SPAG16: variants seen among roughly 807,000 people sequenced by gnomAD.
SPAG16 encodes the protein sperm-associated antigen 16 protein.
A neutral mutation model predicts 80.4 loss-of-function variants in SPAG16; 86 were observed. The ratio of observed to expected loss-of-function variants is 1.07; its 90% confidence interval spans 0.90 to 1.28. The LOEUF (loss-of-function observed/expected upper bound fraction) is 1.28, where lower values mean the gene tolerates loss of function less well. Ranked by LOEUF, SPAG16 falls within the 50% of genes most tolerant of loss-of-function variation. The pLI, the probability that SPAG16 is intolerant of heterozygous loss-of-function variation, is 0.00. For missense variants in SPAG16, 870 were observed against 765.3 expected (o/e 1.14, Z -1.61); for synonymous variants, 294 against 265.9 (o/e 1.11, Z -1.03).
chr2:213,884,948 C>T (rs2076495914), intron 11 of SPAG16, among the ~76,000 whole-genome samples: 1 of 152,192 alleles, frequency 6.6e-6, no homozygotes, highest in Non-Finnish European at 1.5e-5. Flanking sequence ...CAATGACCTT[C>T]CTTGCCATCC....
chr2:213,344,248 A>G lies in SPAG16; in HGVS notation c.644+3978A>G, dbSNP rs77985617. On this transcript the variant is annotated intron_variant, in intron 6 of 15. Coordinates refer to ENST00000331683, the MANE Select transcript of SPAG16 (RefSeq NM_024532.5). ...CTATTTATAACAGTATATAATTGCTATGGTGTTACGGAGTGCTTCCTCTAC... is the reference window on the plus strand; with the variant it reads ...CTATTTATAACAGTATATAATTGCTGTGGTGTTACGGAGTGCTTCCTCTAC... Among the ~76,000 whole-genome samples, 1,455 of 152,246 alleles carry G rather than the reference A, an allele frequency of 9.6e-3. 24 individuals carry two copies. The highest frequency in any genetic ancestry group is 0.033 in the African/African-American group (1,361 of 41,540).
intron 15 of SPAG16, among the ~76,000 whole-genome samples, chr2:214,362,740 AAC>A (rs531811918): frequency 1.0e-3 from 154 of 152,074 alleles, no homozygotes; most frequent in East Asian, 1.5e-3. Context: ...TCATTAAGGA[AAC>A]ACAAGAAAAC....
At chr2:213,366,939 C>G (rs938320027) in intron 8 of SPAG16, among the ~76,000 whole-genome samples, 1 of 152,076 alleles carries the variant, frequency 6.6e-6, no homozygotes, top group Admixed American at 6.5e-5. Context: ...CCTCCCCATT[C>G]CCCCTACCCC....
chr2:213,794,348 A>C (rs901052419), intron 10 of SPAG16, among the ~76,000 whole-genome samples: 1 of 152,156 alleles, frequency 6.6e-6, no homozygotes, highest in Non-Finnish European at 1.5e-5. Context: ...GTTTTAATAT[A>C]TAAATGACTG....
intron 10 of SPAG16, among the ~76,000 whole-genome samples, chr2:213,579,852 A>C (rs75538042): frequency 0.013 from 1,979 of 152,308 alleles, 27 homozygotes; most frequent in Non-Finnish European, 0.02. Context: ...ATATTAATCA[A>C]GATGACATTG....
At position 213,487,717 on chromosome 2, in the gene SPAG16, A is replaced by G. The variant is rs1403860442; in HGVS notation, c.943-2246A>G. 2.6e-5 allele frequency among the ~76,000 whole-genome samples: 4 copies of G among 152,112 alleles called. 1 individual carries two copies. The highest frequency in any genetic ancestry group is 9.7e-5 in the African/African-American group (4 of 41,376). On this transcript the variant is annotated intron_variant, in intron 9 of 15. Transcript: ENST00000331683. ...GTATTAAATACCTCTTTCTATGATT[A>G]TTGGTTTAACAATGCTTATAAAAAT...
At chr2:213,914,208 T>G (rs1231860259) in intron 11 of SPAG16, among the ~76,000 whole-genome samples, 1 of 152,124 alleles carries the variant, frequency 6.6e-6, no homozygotes, top group Non-Finnish European at 1.5e-5. Flanking sequence ...CTTAGAAATC[T>G]TAAAGATATT....
chr2:213,375,662 C>T (rs2066850438), intron 9 of SPAG16, among the ~76,000 whole-genome samples: 2 of 151,778 alleles, frequency 1.3e-5, no homozygotes, highest in South Asian at 4.1e-4. Flanking sequence ...TACATAAAAC[C>T]TGTGAAGAGT....
intron 11 of SPAG16, among the ~76,000 whole-genome samples, chr2:213,928,566 T>G (rs568247400): frequency 6.6e-6 from 1 of 152,212 alleles, no homozygotes; most frequent in Non-Finnish European, 1.5e-5. Context: ...AAACAAAATA[T>G]TTTTTGATTC....
chr2:213,800,066 T>C (rs1448838432), intron 10 of SPAG16, among the ~76,000 whole-genome samples: 1 of 152,168 alleles, frequency 6.6e-6, no homozygotes, highest in African/African-American at 2.4e-5. Context: ...ATTATGATGT[T>C]GACAGAATAC....
At chr2:213,638,258 C>T (rs925373751) in intron 10 of SPAG16, among the ~76,000 whole-genome samples, 1 of 151,952 alleles carries the variant, frequency 6.6e-6, no homozygotes, top group Admixed American at 6.6e-5. Context: ...CTGCTCTGAT[C>T]TCGCTTATGT....
intron 15 of SPAG16, among the ~76,000 whole-genome samples, chr2:214,154,129 A>C (rs1457048181): frequency 2.6e-5 from 4 of 152,198 alleles, no homozygotes; most frequent in African/African-American, 9.6e-5. Context: ...TCATTCAAAA[A>C]TTTATTGCTA....
chr2:213,907,644 G>A (rs1418813687), intron 11 of SPAG16, among the ~76,000 whole-genome samples: 1 of 152,024 alleles, frequency 6.6e-6, no homozygotes, highest in Non-Finnish European at 1.5e-5. Context: ...ATAGATGAAT[G>A]GATAAAGAAA....
chr2:213,449,372 C>T (rs1330096065), intron 9 of SPAG16, among the ~76,000 whole-genome samples: 1 of 152,100 alleles, frequency 6.6e-6, no homozygotes, highest in African/African-American at 2.4e-5. Context: ...CTTTGTTAGA[C>T]CCTTATTGGT....
intron 11 of SPAG16, among the ~76,000 whole-genome samples, chr2:213,897,293 A>G (rs1309599867): frequency 6.6e-6 from 1 of 152,176 alleles, no homozygotes; most frequent in African/African-American, 2.4e-5. Flanking sequence ...ACTTACAAGT[A>G]TGAGTTTATT....
chr2:213,682,805 T>C (rs185395422), intron 10 of SPAG16, among the ~76,000 whole-genome samples: 2 of 152,310 alleles, frequency 1.3e-5, no homozygotes, highest in East Asian at 3.9e-4. Context: ...ACATTAGTCA[T>C]TAGGCTAATG....
intron 9 of SPAG16, among the ~76,000 whole-genome samples, chr2:213,401,298 A>C (rs978354152): frequency 1.3e-5 from 2 of 152,242 alleles, no homozygotes; most frequent in African/African-American, 4.8e-5. Flanking sequence ...AACATTAGAT[A>C]ATGTCATAAT....
At chr2:213,758,592 C>G (rs547284662) in intron 10 of SPAG16, among the ~76,000 whole-genome samples, 4 of 152,000 alleles carry the variant, frequency 2.6e-5, no homozygotes, top group African/African-American at 9.6e-5. Flanking sequence ...AAGATTTGAG[C>G]AAGCAAAGGA....
In SPAG16 at chr2:213,547,249, A is replaced by C. The variant is rs905196678; in HGVS notation, c.1070+57159A>C. ...TTTTATAGTCTTGAAATAATATAAT[A>C]GAAAAGGGCTCCAAAAATGCAATTG... On this transcript the variant is annotated intron_variant, in intron 10 of 15. Coordinates refer to ENST00000331683, the MANE Select transcript of SPAG16 (RefSeq NM_024532.5). Among the ~76,000 whole-genome samples, 6 of 152,158 alleles carry C rather than the reference A, an allele frequency of 3.9e-5. No individual in the cohort carries two copies. In the East Asian group the frequency reaches 9.6e-4, roughly 24 times the overall value.
Sources: allele counts gnomAD v4.1 joint callset (sites outside exome capture counted in the v4.1 genomes callset), GRCh38; gene constraint gnomAD v4.1.1; transcripts MANE v1.5; gene names NCBI Gene and HGNC (gene_info 2026-07-23, HGNC 2026-07-21).